ARHGAP8: variants seen among roughly 807,000 people sequenced by gnomAD.
The protein encoded by ARHGAP8 is Rho GTPase activating protein 8, also known as rho GTPase-activating protein 8.
A neutral mutation model predicts 46.1 loss-of-function variants in ARHGAP8; 62 were observed. The observed-to-expected ratio is 1.34, with a 90% confidence interval of 1.10 to 1.66. The LOEUF (loss-of-function observed/expected upper bound fraction) is 1.66, where lower values mean the gene tolerates loss of function less well. ARHGAP8 is among the 40% of genes most tolerant of loss of function. The pLI is 0.00. For synonymous variants in ARHGAP8, 375 were observed against 243.1 expected (o/e 1.54, Z -5.05); for missense variants, 923 against 568.4 (o/e 1.62, Z -6.34).
At chr22:44,861,454 TGGGGGACCGGCAGCCA>T (rs371028430) in intron 11 of ARHGAP8, among the ~76,000 whole-genome samples, 17,926 of 151,904 alleles carry the variant, frequency 0.12, 1,128 homozygotes, top group Middle Eastern at 0.16. Context: ...GCAACGGGCT[TGGGGGACCGGCAGCCA>T]GGGGGAGCCT....
At chr22:44,771,835 A>C (rs1358569974) in intron 1 of ARHGAP8, among the ~76,000 whole-genome samples, 4 of 151,374 alleles carry the variant, frequency 2.6e-5, no homozygotes, top group Non-Finnish European at 4.4e-5. Flanking sequence ...GATTACAGGC[A>C]TGAGCCACCA....
chr22:44,845,484 TG>T, intron 8 of ARHGAP8, 142 bp downstream of exon 8: 1 of 1,148,168 alleles, frequency 8.7e-7, no homozygotes, highest in South Asian at 1.5e-5. Context: ...GCTCCAGGTC[TG>T]GGCTCTGGCC....
rs532603393 is a variant in ARHGAP8, at chr22:44,862,395, A to C, written c.1102A>C (p.Met368Leu). The C allele has an allele frequency of 6.2e-7, 1 of 1,614,118 alleles. No homozygotes were observed. Among genetic ancestry groups the C allele is most frequent in the African/African-American group, 1.3e-5 (1 of 75,014 alleles). Residue 368 changes from methionine (M) to leucine (L), a missense_variant, in exon 12 of 12, where the codon ATG (methionine) becomes CTG (leucine). Transcript: ENST00000356099. ...SSLSALVPLN[M>L]FTELLIEYYE... ...CCTGAGTGCCCTTGTGCCCCTGAAC[A>C]TGTTCACTGAACTGCTGATCGAGTA...
At chr22:44,781,633 C>G (rs1926853587) in intron 1 of ARHGAP8, among the ~76,000 whole-genome samples, 1 of 152,130 alleles carries the variant, frequency 6.6e-6, no homozygotes, top group Non-Finnish European at 1.5e-5. Context: ...AAGGGATTCT[C>G]CTGCCTCAGC....
At chr22:44,774,721 C>T (rs1259988936) in intron 1 of ARHGAP8, among the ~76,000 whole-genome samples, 1 of 151,818 alleles carries the variant, frequency 6.6e-6, no homozygotes, top group Admixed American at 6.6e-5. Context: ...CGGATTTTAC[C>T]GTGTTGGCCA....
At position 44,821,803 on chromosome 22, in the gene ARHGAP8, G is replaced by A. The variant is rs543058676; in HGVS notation, c.387-568G>A. Among the ~76,000 whole-genome samples the A allele has an allele frequency of 6.0e-4, 92 of 152,362 alleles. 1 individual carries two copies. The highest frequency in any genetic ancestry group is 9.6e-4 in the Non-Finnish European group (65 of 68,030). On this transcript the variant is annotated intron_variant, in intron 5 of 11. Coordinates refer to ENST00000356099, the MANE Select transcript of ARHGAP8 (RefSeq NM_181335.3). ...TGGGGCACAAGAGGAGGGAGAAGAC[G>A]GAGTTGCTGCACCTGGTCAGGGCAT...
intron 10 of ARHGAP8, among the ~76,000 whole-genome samples, chr22:44,853,489 C>T (rs1308864133): frequency 1.3e-5 from 2 of 152,118 alleles, no homozygotes; most frequent in African/African-American, 2.4e-5. Context: ...AACTGAGAAC[C>T]CGCAAGCGTG....
chr22:44,801,142 G>A (rs1928494584), intron 2 of ARHGAP8, among the ~76,000 whole-genome samples: 1 of 53,304 alleles, frequency 1.9e-5, no homozygotes. Context: ...TCCATGTGTG[G>A]GGGCACCTCT....
chr22:44,779,564 A>ATTTTTT (rs132489), intron 1 of ARHGAP8, among the ~76,000 whole-genome samples: 12 of 126,250 alleles, frequency 9.5e-5, no homozygotes, highest in South Asian at 2.5e-4. Context: ...CAGTTTGAGG[A>ATTTTTT]TTTTTTTTTT....
chr22:44,859,850 G>C lies in ARHGAP8; in HGVS notation c.981+16G>C. 6.2e-7 allele frequency: 1 copy of C among 1,611,126 alleles called. No individual in the cohort carries two copies. ...CCTGCATGCGGTGAGTGGGGAAGGGGGGAGCTTGGGGTGAAGCCCAGTGGC... is the reference window on the plus strand; with the variant it reads ...CCTGCATGCGGTGAGTGGGGAAGGGCGGAGCTTGGGGTGAAGCCCAGTGGC... On this transcript the variant is annotated intron_variant, in intron 11 of 11. Coordinates refer to ENST00000356099, the MANE Select transcript of ARHGAP8 (RefSeq NM_181335.3).
At chr22:44,862,194 C>T (rs2070524554) in intron 11 of ARHGAP8, 81 bp from the exon 12 acceptor site, 1 of 1,508,052 alleles carries the variant, frequency 6.6e-7, no homozygotes, top group Non-Finnish European at 8.9e-7. Flanking sequence ...ACCTACGCCT[C>T]TCCCTAAGTT....
At chr22:44,806,314 A>G (rs1310230717) in intron 3 of ARHGAP8, among the ~76,000 whole-genome samples, 4 of 152,210 alleles carry the variant, frequency 2.6e-5, no homozygotes, top group South Asian at 2.1e-4. Context: ...CTGGAAAATG[A>G]GTTTTGAAGT....
At chr22:44,810,785 G>C (rs1197078855) in intron 4 of ARHGAP8, among the ~76,000 whole-genome samples, 1 of 152,166 alleles carries the variant, frequency 6.6e-6, no homozygotes, top group Non-Finnish European at 1.5e-5. Context: ...GGTCTGGTCT[G>C]TAGGGTTCCC....
intron 7 of ARHGAP8, among the ~76,000 whole-genome samples, chr22:44,833,231 G>A (rs999552454): frequency 6.6e-6 from 1 of 151,584 alleles, no homozygotes; most frequent in African/African-American, 2.4e-5. Flanking sequence ...CAAGTAGCTG[G>A]TACTATAGGT....
In ARHGAP8 at chr22:44,862,280, C is replaced by A. The variant is rs141333303; in HGVS notation, c.987C>A (p.Ser329=). The A allele has an allele frequency of 1.3e-6, 2 of 1,590,622 alleles. No homozygotes were observed. Among genetic ancestry groups the A allele is most frequent in the Non-Finnish European group, 1.7e-6 (2 of 1,163,336 alleles). The change falls in exon 12 of 12, where the codon TCC becomes TCA. Residue 329 remains serine (S), a synonymous_variant. Transcript: ENST00000356099. ...RYLMGFLHAV[S]RESIFNKMNS... is the part of the protein sequence containing the mutation. ...TTGTGTGTGGTTTCCTCCAGGTGTC[C>A]CGGGAGAGCATCTTCAACAAAATGA... is the stretch of plus-strand genomic sequence containing the variant.
chr22:44,806,836 C>G (rs998052051), intron 3 of ARHGAP8, among the ~76,000 whole-genome samples: 1 of 151,834 alleles, frequency 6.6e-6, no homozygotes. Context: ...TGGTGGCAGG[C>G]GCCTGTAGTC....
intron 11 of ARHGAP8, among the ~76,000 whole-genome samples, chr22:44,861,039 T>C (rs2070456312): frequency 6.6e-6 from 1 of 152,246 alleles, no homozygotes; most frequent in African/African-American, 2.4e-5. Flanking sequence ...AGTCTTGCTC[T>C]GTTGCCCTAG....
chr22:44,840,322 TG>T (rs958931409), intron 7 of ARHGAP8, among the ~76,000 whole-genome samples: 3 of 152,180 alleles, frequency 2.0e-5, no homozygotes, highest in African/African-American at 4.8e-5. Flanking sequence ...CTGGAGGTTC[TG>T]GGGGGTATCT....
chr22:44,839,137 C>A (rs142910594), intron 7 of ARHGAP8, among the ~76,000 whole-genome samples: 166 of 152,168 alleles, frequency 1.1e-3, no homozygotes, highest in Middle Eastern at 6.8e-3. Context: ...CTGCCTGCCA[C>A]ATTCCTCCCT....
Sources: gnomAD v4.1 joint callset for allele counts (sites outside exome capture counted in the v4.1 genomes callset) on GRCh38, gnomAD v4.1.1 for gene constraint, MANE v1.5 for transcripts, NCBI Gene and HGNC (gene_info 2026-07-23, HGNC 2026-07-21) for gene names.